Variants in BNC2 observed in about 807,000 individuals in gnomAD.
BNC2 encodes basonuclin zinc finger protein 2, also known as zinc finger protein basonuclin-2.
BNC2 carries 20 observed loss-of-function variants against 76.3 expected under a neutral mutation model. The ratio of observed to expected loss-of-function variants is 0.26; its 90% CI spans 0.18 to 0.38. The LOEUF (loss-of-function observed/expected upper bound fraction) is 0.38. BNC2 is among the 10% of genes least tolerant of loss of function. The probability of loss-of-function intolerance (pLI) is 1.00; values close to 1 mark genes in which losing one functional copy is unlikely to be tolerated. For missense variants in BNC2, 1,382 were observed against 1,399.8 expected, an observed-to-expected ratio of 0.99 and a Z score of 0.20; for synonymous variants, 582 against 514.8, an observed-to-expected ratio of 1.13 and a Z score of -1.77.
intron 3 of BNC2, among the ~76,000 whole-genome samples, chr9:16,695,027 G>A (rs1033991875): frequency 6.6e-6 from 1 of 152,118 alleles, no homozygotes; most frequent in Non-Finnish European, 1.5e-5. Context: ...GTGGAGAGAA[G>A]ATAAAGTCAA....
intron 5 of BNC2, among the ~76,000 whole-genome samples, chr9:16,500,903 A>T (rs1322078151): frequency 1.3e-5 from 2 of 152,200 alleles, no homozygotes; most frequent in East Asian, 3.8e-4. Flanking sequence ...AACCATCAGT[A>T]TTTGAACCAA....
intron 4 of BNC2, 89 bp downstream of exon 4, chr9:16,582,894 C>CACAG (rs1819665313): frequency 2.1e-6 from 1 of 468,964 alleles, no homozygotes; most frequent in Non-Finnish European, 3.7e-6. Flanking sequence ...TCTAAACAGA[C>CACAG]ACACACACAC....
At chr9:16,458,042 T>C (rs1176748245) in intron 5 of BNC2, among the ~76,000 whole-genome samples, 2 of 152,134 alleles carry the variant, frequency 1.3e-5, no homozygotes, top group Admixed American at 6.5e-5. Flanking sequence ...TGTCTGTCTT[T>C]ATTTGAGCAC....
intron 1 of BNC2, among the ~76,000 whole-genome samples, chr9:16,783,861 T>A (rs1324308050): frequency 1.3e-5 from 2 of 152,228 alleles, no homozygotes; most frequent in African/African-American, 4.8e-5. Flanking sequence ...TAGCCAAAAC[T>A]GTATTGGTAA....
In BNC2 at chr9:16,702,806, T is replaced by C. The variant is rs550343924; in HGVS notation, c.330+24991A>G. On this transcript the variant is annotated intron_variant, in intron 3 of 6. Coordinates refer to ENST00000380672, the MANE Select transcript of BNC2 (RefSeq NM_017637.6). ...TTCATTTTCCTGACAATCTGTAAGC[T>C]AAATGTCCTTTTCCCCATTTTAAAA... Among the ~76,000 whole-genome samples, 22 of 152,326 alleles carry C rather than the reference T, an allele frequency of 1.4e-4. No homozygotes were observed. The South Asian group carries it at 3.5e-3, about 24-fold the overall frequency.
At chr9:16,776,950 A>C (rs1825984504) in intron 1 of BNC2, among the ~76,000 whole-genome samples, 1 of 151,812 alleles carries the variant, frequency 6.6e-6, no homozygotes, top group Non-Finnish European at 1.5e-5. Flanking sequence ...ACATGGCAAA[A>C]CCCCATCTCT....
At chr9:16,448,470 A>G (rs151187680) in intron 5 of BNC2, among the ~76,000 whole-genome samples, 8 of 152,316 alleles carry the variant, frequency 5.3e-5, no homozygotes, top group African/African-American at 1.9e-4. Flanking sequence ...TGATATTGGT[A>G]TAGAACTTCC....
intron 1 of BNC2, among the ~76,000 whole-genome samples, chr9:16,748,074 G>A (rs1825062658): frequency 6.6e-6 from 1 of 152,108 alleles, no homozygotes; most frequent in East Asian, 1.9e-4. Flanking sequence ...TGAGTAAAAG[G>A]CAAGATGCAG....
At chr9:16,582,892 GACACAC>G (rs149223772) in intron 4 of BNC2, 85 bp downstream of exon 4, 726 of 626,710 alleles carry the variant, frequency 1.2e-3, no homozygotes, top group African/African-American at 4.1e-3. Flanking sequence ...CCTCTAAACA[GACACAC>G]ACACACACAC....
At chr9:16,763,765 C>T (rs73646241) in intron 1 of BNC2, among the ~76,000 whole-genome samples, 6,601 of 152,160 alleles carry the variant, frequency 0.043, 489 homozygotes, top group African/African-American at 0.15. Flanking sequence ...TTCCTACATC[C>T]CATTCATTCT....
At chr9:16,864,119 T>G (rs1017561955) in intron 1 of BNC2, among the ~76,000 whole-genome samples, 1 of 152,218 alleles carries the variant, frequency 6.6e-6, no homozygotes, top group African/African-American at 2.4e-5. Context: ...ATCATCCTTT[T>G]TCTCCTCTGC....
At chr9:16,750,913 T>A (rs1825172371) in intron 1 of BNC2, among the ~76,000 whole-genome samples, 1 of 152,220 alleles carries the variant, frequency 6.6e-6, no homozygotes. Context: ...GCTAGGGAGA[T>A]GAATTCAGGA....
At chr9:16,793,892 C>T (rs1393678930) in intron 1 of BNC2, among the ~76,000 whole-genome samples, 4 of 121,562 alleles carry the variant, frequency 3.3e-5, no homozygotes, top group East Asian at 2.3e-4. Flanking sequence ...TTAGTAGAGA[C>T]GGAGTTTCAC....
intron 3 of BNC2, among the ~76,000 whole-genome samples, chr9:16,668,655 T>C (rs1420250161): frequency 2.0e-5 from 3 of 152,202 alleles, no homozygotes; most frequent in African/African-American, 7.2e-5. Context: ...ATTGAGTTCT[T>C]TTCTTGTCTC....
At chr9:16,552,497 CGGACA>C in intron 5 of BNC2, 28 bp downstream of exon 5, 2 of 1,595,830 alleles carry the variant, frequency 1.3e-6, no homozygotes, top group Non-Finnish European at 1.7e-6. Flanking sequence ...CAGTCGGCCC[CGGACA>C]CGGGCGGCGT....
chr9:16,554,896 T>A (rs1410397002), intron 4 of BNC2, among the ~76,000 whole-genome samples: 3 of 152,206 alleles, frequency 2.0e-5, no homozygotes, highest in Non-Finnish European at 2.9e-5. Flanking sequence ...TTTTTGTGTG[T>A]GTACTTGGCA....
chr9:16,472,651 T>C (rs1441840007), intron 5 of BNC2, among the ~76,000 whole-genome samples: 1 of 152,206 alleles, frequency 6.6e-6, no homozygotes, highest in African/African-American at 2.4e-5. Context: ...CTTATAATCC[T>C]TCTTCTTTTT....
intron 1 of BNC2, among the ~76,000 whole-genome samples, chr9:16,812,528 C>A (rs1045876385): frequency 6.6e-6 from 1 of 152,220 alleles, no homozygotes; most frequent in Non-Finnish European, 1.5e-5. Context: ...GTGTCATTAC[C>A]ACAGGCAGAG....
In BNC2 at chr9:16,435,562, G is replaced by A; in HGVS notation, c.2632C>T (p.Arg878Ter). The A allele has an allele frequency of 6.2e-7, 1 of 1,613,836 alleles. No homozygotes were observed. The highest frequency in any genetic ancestry group is 8.5e-7 in the Non-Finnish European group (1 of 1,180,014). ...CAATGGAGATTTACTGACCTGTCTC[G>A]GCTTCGGCGAGAGGGGAATGCAGCA... ...CNAAFPSRRS[R>*]DRHSANINLH... is the part of the protein sequence containing the mutation. The change falls in exon 6 of 7, where the codon CGA (arginine) becomes TGA (stop). Residue 878 changes from arginine (R) to a stop codon, truncating the protein, a stop_gained. Coordinates refer to ENST00000380672, the MANE Select transcript of BNC2 (RefSeq NM_017637.6). LOFTEE classifies it high-confidence loss of function.
Sources: gnomAD v4.1 joint callset for allele counts (sites outside exome capture counted in the v4.1 genomes callset) on GRCh38, gnomAD v4.1.1 for gene constraint, MANE v1.5 for transcripts, NCBI Gene and HGNC (gene_info 2026-07-23, HGNC 2026-07-21) for gene names.